Variants in NCBP1 observed in about 807,000 individuals in gnomAD.
The protein encoded by NCBP1 is nuclear cap-binding protein subunit 1.
NCBP1 carries 16 observed loss-of-function variants against 111.7 expected under a neutral mutation model. The observed-to-expected ratio is 0.14, with a 90% CI of 0.10 to 0.22. The LOEUF is 0.22. Among genes scored for constraint, NCBP1 ranks in the 10% least tolerant of loss-of-function variants. NCBP1 has a pLI of 1.00. For synonymous variants in NCBP1, 304 were observed against 314.3 expected (o/e 0.97, Z 0.35); for missense variants, 607 against 957.5 (o/e 0.63, Z 4.83).
intron 6 of NCBP1, 93 bp from the exon 7 acceptor site, chr9:97,647,399 C>T (rs1588001025): frequency 5.2e-6 from 5 of 956,400 alleles, no homozygotes; most frequent in Non-Finnish European, 4.9e-6. Flanking sequence ...AATGTTATTT[C>T]ATTGCTTTAA....
chr9:97,670,296 A>C (rs1056760465), intron 22 of NCBP1, among the ~76,000 whole-genome samples: 9 of 152,170 alleles, frequency 5.9e-5, no homozygotes, highest in African/African-American at 1.9e-4. Flanking sequence ...GAGGACAGTA[A>C]TTGGATTTAT....
rs759092106 is a variant in NCBP1, at chr9:97,664,382, G to A, written c.1840G>A (p.Val614Ile). 3 of 1,613,102 alleles carry A rather than the reference G, an allele frequency of 1.9e-6. No homozygotes were observed. The Admixed American group carries it at 5.0e-5, about 27-fold the overall frequency. The change falls in exon 19 of 23, where the codon GTT becomes ATT. Residue 614 changes from valine (V) to isoleucine (I), a missense_variant. Physicochemically the swap from Val to Ile is conservative, Grantham distance 29. Coordinates refer to ENST00000375147, the MANE Select transcript of NCBP1 (RefSeq NM_002486.5). ...LVDKMIRTQI[V>I]DCAAVANWIF... ...GGATAAGATGATTCGTACACAAATA[G>A]TTGATTGTGCTGCCGTAGCAAATTG...
At chr9:97,643,079 T>C in intron 3 of NCBP1, 125 bp from the exon 4 acceptor site, 1 of 938,918 alleles carries the variant, frequency 1.1e-6, no homozygotes, top group East Asian at 3.0e-5. Flanking sequence ...TGAAGTATTT[T>C]TAAAGACATA....
At chr9:97,640,178 C>CT (rs1435538513) in intron 1 of NCBP1, among the ~76,000 whole-genome samples, 1 of 152,102 alleles carries the variant, frequency 6.6e-6, no homozygotes, top group Non-Finnish European at 1.5e-5. Flanking sequence ...TAATTGAAGA[C>CT]TTGAGATTAG....
intron 15 of NCBP1, 25 bp downstream of exon 15, chr9:97,658,768 G>T: frequency 6.7e-7 from 1 of 1,494,956 alleles, no homozygotes; most frequent in Non-Finnish European, 9.3e-7. Context: ...TAATCCCTCT[G>T]TCTTTAAAAG....
intron 2 of NCBP1, 135 bp from the exon 3 acceptor site, chr9:97,641,427 A>G (rs1827201490): frequency 1.6e-6 from 1 of 637,072 alleles, no homozygotes; most frequent in Admixed American, 4.4e-5. Context: ...ATAGCAATTG[A>G]AAGGACAGAT....
In NCBP1 at chr9:97,650,608, T is replaced by C. The variant is rs377412756; in HGVS notation, c.995+8T>C. The C allele has an allele frequency of 1.9e-6, 3 of 1,607,674 alleles. No individual in the cohort carries two copies. The highest frequency in any genetic ancestry group is 1.7e-6 in the Non-Finnish European group (2 of 1,174,942). On this transcript the variant is annotated splice_region_variant and intron_variant, in intron 9 of 22. Coordinates refer to ENST00000375147, the MANE Select transcript of NCBP1 (RefSeq NM_002486.5). ...GAAGGAAAGGAAGACTTGGTAAGATTCTTTTCATGGTACTTTTAGAAGGGA... is the reference window on the plus strand; with the variant it reads ...GAAGGAAAGGAAGACTTGGTAAGATCCTTTTCATGGTACTTTTAGAAGGGA...
Position 97,645,161 on chromosome 9 carries a change from C to G in NCBP1, c.426C>G (p.Ala142=), listed in dbSNP as rs1214639818. ...TTGTGAATTGTCATGTGATTGCCGC[C>G]CCATCAATGGTTGCTATGTTTGAAA... ...SDLVNCHVIA[A]PSMVAMFENF... The change falls in exon 5 of 23, where the codon GCC becomes GCG. Residue 142 remains alanine, a synonymous_variant. Transcript: ENST00000375147. The G allele has an allele frequency of 5.0e-6, 8 of 1,613,358 alleles. No individual in the cohort carries two copies. Among genetic ancestry groups the G allele is most frequent in the Non-Finnish European group, 6.8e-6 (8 of 1,179,626 alleles).
chr9:97,669,936 T>C, intron 22 of NCBP1: 2 of 529,482 alleles, frequency 3.8e-6, no homozygotes, highest in Admixed American at 2.7e-5. Flanking sequence ...CCCCACCTTT[T>C]TTTTGAGATG....
intron 7 of NCBP1, 58 bp downstream of exon 7, chr9:97,647,619 A>ATCTC: frequency 2.9e-6 from 4 of 1,392,058 alleles, no homozygotes; most frequent in Non-Finnish European, 4.1e-6. Context: ...ATAGATTCTT[A>ATCTC]TCTCTGTAAG....
chr9:97,647,151 C>T (rs1827365528), intron 6 of NCBP1, among the ~76,000 whole-genome samples: 1 of 152,022 alleles, frequency 6.6e-6, no homozygotes, highest in South Asian at 2.1e-4. Context: ...TTTTTATGTA[C>T]ATGTGCAAAT....
intron 14 of NCBP1, among the ~76,000 whole-genome samples, chr9:97,657,926 ATTT>A (rs57402675): frequency 0.044 from 4,020 of 91,296 alleles, 104 homozygotes; most frequent in Admixed American, 0.067. Context: ...ATATATATAT[ATTT>A]TTTTTTTTTT....
intron 14 of NCBP1, among the ~76,000 whole-genome samples, chr9:97,656,434 C>T (rs573580930): frequency 2.8e-4 from 42 of 152,208 alleles, no homozygotes; most frequent in African/African-American, 9.1e-4. Flanking sequence ...TAAAAATTTG[C>T]GAGGCGTGTT....
intron 6 of NCBP1, among the ~76,000 whole-genome samples, 156 bp from the exon 7 acceptor site, chr9:97,647,336 A>G (rs1827370406): frequency 6.6e-6 from 1 of 152,208 alleles, no homozygotes; most frequent in African/African-American, 2.4e-5. Flanking sequence ...CTGCATCTTG[A>G]TGATACACAG....
chr9:97,662,930 T>A (rs766049902), intron 17 of NCBP1, 24 bp from the exon 18 acceptor site: 50 of 1,543,342 alleles, frequency 3.2e-5, no homozygotes, highest in Non-Finnish European at 4.4e-5. Flanking sequence ...ATATATGGTA[T>A]TTTTTTCCCA....
Position 97,661,054 on chromosome 9 carries a change from A to C in NCBP1, c.1586A>C (p.Gln529Pro). 6.2e-7 allele frequency: 1 copy of C among 1,612,564 alleles called. No individual in the cohort carries two copies. Among genetic ancestry groups the C allele is most frequent in the South Asian group, 1.1e-5 (1 of 91,014 alleles). Residue 529 changes from glutamine to proline, a missense_variant, in exon 16 of 23, where the codon CAG becomes CCG. Coordinates refer to ENST00000375147, the MANE Select transcript of NCBP1 (RefSeq NM_002486.5). ...CTGAAAGATGTACCAAATCCTAACC[A>C]GGATGATGACGACGGTAAGTGGAAT... The part of the protein sequence containing the change: ...SILKDVPNPN[Q>P]DDDDDEGFSF...
chr9:97,635,853 C>T (rs1827007648), intron 1 of NCBP1: 1 of 152,106 alleles, frequency 6.6e-6, no homozygotes, highest in Admixed American at 6.5e-5. Flanking sequence ...CTTTTTCTCA[C>T]TTAGAGGTAA....
chr9:97,664,282 C>T (rs1056182290), intron 18 of NCBP1, 58 bp from the exon 19 acceptor site: 37 of 1,086,774 alleles, frequency 3.4e-5, no homozygotes, highest in Middle Eastern at 2.1e-4. Context: ...TGTGGTGGCA[C>T]ATATATATGT....
In NCBP1 at chr9:97,658,712, C is replaced by G. The variant is rs751909300; in HGVS notation, c.1446C>G (p.Thr482=). ...TFSALCPANP[T]CIYKYGDESS... ...CAGCTCTGTGTCCTGCAAACCCAAC[C>G]TGCATTTACAAGTATGGAGATGAAA... is the stretch of plus-strand genomic sequence containing the variant. The change falls in exon 15 of 23, where the codon ACC becomes ACG. Residue 482 remains threonine, a synonymous_variant. Coordinates refer to ENST00000375147, the MANE Select transcript of NCBP1 (RefSeq NM_002486.5). 1.4e-5 allele frequency: 23 copies of G among 1,611,750 alleles called. No individual in the cohort carries two copies. In the Admixed American group the frequency reaches 3.0e-4, roughly 21 times the overall value.
Sources: gnomAD v4.1 joint callset for allele counts (sites outside exome capture counted in the v4.1 genomes callset) on GRCh38, gnomAD v4.1.1 for gene constraint, MANE v1.5 for transcripts, NCBI Gene and HGNC (gene_info 2026-07-23, HGNC 2026-07-21) for gene names.